Variants in NOL4 observed in about 807,000 individuals in gnomAD.
NOL4 encodes the protein nucleolar protein 4.
Under a neutral mutation model 75.9 loss-of-function variants are expected in NOL4, and 17 were observed. The ratio of observed to expected loss-of-function variants is 0.22; its 90% CI spans 0.15 to 0.34. The LOEUF is 0.34. Ranked by LOEUF, NOL4 falls within the 10% of genes least tolerant of loss-of-function variation. The probability of loss-of-function intolerance (pLI) is 1.00; values close to 1 mark genes in which losing one functional copy is unlikely to be tolerated. For missense variants in NOL4, 614 were observed against 793.5 expected (o/e 0.77, Z 2.72); for synonymous variants, 292 against 289.9 (o/e 1.01, Z -0.07).
chr18:34,039,339 G>A (rs1450551984), intron 5 of NOL4, among the ~76,000 whole-genome samples: 3 of 151,948 alleles, frequency 2.0e-5, no homozygotes, highest in Non-Finnish European at 4.4e-5. Context: ...ATAGGTCTGG[G>A]TGGCTTTTTT....
chr18:34,097,752 C>A (rs577473526), intron 4 of NOL4, among the ~76,000 whole-genome samples: 2 of 152,262 alleles, frequency 1.3e-5, no homozygotes, highest in South Asian at 4.1e-4. Context: ...TATACTCAGT[C>A]ATTCACTACT....
chr18:33,950,396 C>T (rs534398552), intron 8 of NOL4, among the ~76,000 whole-genome samples: 1 of 152,150 alleles, frequency 6.6e-6, no homozygotes, highest in East Asian at 1.9e-4. Flanking sequence ...ACTCATGTCA[C>T]ACAATAAAAA....
chr18:33,990,475 G>C (rs1367744210), intron 6 of NOL4, among the ~76,000 whole-genome samples: 1 of 151,820 alleles, frequency 6.6e-6, no homozygotes, highest in Non-Finnish European at 1.5e-5. Context: ...TGTTGAACCT[G>C]GCCTTCCCTG....
At chr18:33,853,205 A>C (rs1377114717) in intron 10 of NOL4, among the ~76,000 whole-genome samples, 170 bp from the exon 11 acceptor site, 1 of 152,144 alleles carries the variant, frequency 6.6e-6, no homozygotes, top group African/African-American at 2.4e-5. Flanking sequence ...GAGCAATGTA[A>C]TGGTAACCGA....
At chr18:34,089,790 C>T (rs558541359) in intron 5 of NOL4, among the ~76,000 whole-genome samples, 55 of 152,322 alleles carry the variant, frequency 3.6e-4, no homozygotes, top group African/African-American at 1.2e-3. Context: ...GGCCAGGAAG[C>T]TGCTAAACAT....
intron 6 of NOL4, among the ~76,000 whole-genome samples, chr18:34,005,165 G>A (rs192695424): frequency 1.3e-3 from 202 of 151,876 alleles, no homozygotes; most frequent in African/African-American, 4.0e-3. Context: ...TTCTTTTTCT[G>A]AAGAAATCAT....
intron 1 of NOL4, among the ~76,000 whole-genome samples, chr18:34,194,090 G>C (rs956382958): frequency 1.3e-5 from 2 of 152,046 alleles, no homozygotes; most frequent in Non-Finnish European, 2.9e-5. Flanking sequence ...AGGGGTTGGG[G>C]AAATGTTGGC....
chr18:33,954,172 A>T (rs1336657325), intron 8 of NOL4, among the ~76,000 whole-genome samples: 1 of 152,188 alleles, frequency 6.6e-6, no homozygotes, highest in Non-Finnish European at 1.5e-5. Flanking sequence ...TAGCTTACTT[A>T]TAAATCTTAA....
At chr18:33,891,744 T>C (rs186000051) in intron 9 of NOL4, among the ~76,000 whole-genome samples, 37 of 152,318 alleles carry the variant, frequency 2.4e-4, no homozygotes, top group Non-Finnish European at 4.3e-4. Flanking sequence ...ATCTCTTGTA[T>C]GGTAGAATCA....
chr18:33,928,512 G>A (rs536240252), intron 9 of NOL4, among the ~76,000 whole-genome samples: 1 of 151,808 alleles, frequency 6.6e-6, no homozygotes, highest in Admixed American at 6.6e-5. Context: ...AAGAAATAAA[G>A]TTTCTCAGCT....
intron 5 of NOL4, chr18:34,048,537 C>T (rs1042890636): frequency 8.1e-6 from 8 of 985,452 alleles, no homozygotes; most frequent in Middle Eastern, 5.2e-4. Flanking sequence ...ACCTTTCTCT[C>T]GAAGTGCACC....
At chr18:34,091,465 C>A (rs574063719) in intron 5 of NOL4, among the ~76,000 whole-genome samples, 36 of 152,154 alleles carry the variant, frequency 2.4e-4, no homozygotes, top group African/African-American at 8.7e-4. Flanking sequence ...TTCCTTCCCT[C>A]GGGAGGATTC....
intron 1 of NOL4, among the ~76,000 whole-genome samples, chr18:34,213,124 TG>T (rs2036625963): frequency 6.6e-6 from 1 of 152,078 alleles, no homozygotes; most frequent in African/African-American, 2.4e-5. Flanking sequence ...TACAAAACAC[TG>T]AAGAACCCTT....
chr18:34,124,574 C>T (rs1294914498), intron 2 of NOL4, among the ~76,000 whole-genome samples: 1 of 152,010 alleles, frequency 6.6e-6, no homozygotes, highest in Non-Finnish European at 1.5e-5. Context: ...CAAACACATA[C>T]CAAACGCTAT....
chr18:34,165,608 T>G (rs1470778907), intron 1 of NOL4, among the ~76,000 whole-genome samples: 1 of 152,174 alleles, frequency 6.6e-6, no homozygotes, highest in Admixed American at 6.5e-5. Flanking sequence ...TATCTTCTTA[T>G]GAAAGCTTTC....
chr18:34,088,961 T>C (rs1477200409), intron 5 of NOL4, among the ~76,000 whole-genome samples: 1 of 152,110 alleles, frequency 6.6e-6, no homozygotes, highest in Non-Finnish European at 1.5e-5. Flanking sequence ...TTATCTAGCC[T>C]GGGGAAAAAT....
At chr18:34,135,853 T>G (rs2145946045) in intron 1 of NOL4, among the ~76,000 whole-genome samples, 1 of 152,180 alleles carries the variant, frequency 6.6e-6, no homozygotes, top group African/African-American at 2.4e-5. Flanking sequence ...GCCAGCATTA[T>G]CTTGATACAA....
intron 1 of NOL4, among the ~76,000 whole-genome samples, chr18:34,168,458 G>T (rs2032669888): frequency 6.6e-6 from 1 of 151,446 alleles, no homozygotes; most frequent in South Asian, 2.1e-4. Context: ...AAAAAGGTCT[G>T]CAGAGTAAAA....
intron 6 of NOL4, among the ~76,000 whole-genome samples, chr18:33,959,964 T>C (rs1600061435): frequency 1.3e-5 from 2 of 152,012 alleles, no homozygotes; most frequent in Admixed American, 6.6e-5. Flanking sequence ...TGTGCGTGTA[T>C]GCACATGTGT....
Sources: gnomAD v4.1 joint callset for allele counts (sites outside exome capture counted in the v4.1 genomes callset) on GRCh38, gnomAD v4.1.1 for gene constraint, MANE v1.5 for transcripts, NCBI Gene and HGNC (gene_info 2026-07-23, HGNC 2026-07-21) for gene names.